Variants in PAX3 observed in about 807,000 individuals in gnomAD.
The protein encoded by PAX3 is paired box protein Pax-3.
Under a neutral mutation model 51.6 loss-of-function variants are expected in PAX3, and 14 were observed. That is an observed-to-expected ratio of 0.27 (90% confidence interval 0.18 to 0.42). The LOEUF (loss-of-function observed/expected upper bound fraction) is 0.42, where lower values mean the gene tolerates loss of function less well. PAX3 is among the 10% of genes least tolerant of loss of function. The pLI is 1.00. For missense variants in PAX3, 540 were observed against 642.8 expected, an observed-to-expected ratio of 0.84 and a Z score of 1.73; for synonymous variants, 280 against 253.4, an observed-to-expected ratio of 1.11 and a Z score of -1.00.
intron 4 of PAX3, among the ~76,000 whole-genome samples, chr2:222,261,990 G>C (rs1559293833): frequency 1.3e-5 from 2 of 152,106 alleles, no homozygotes; most frequent in Admixed American, 6.5e-5. Flanking sequence ...GCTTCTTTGT[G>C]CCCCTTTGGT....
In PAX3 at chr2:222,298,716, G is replaced by T; in HGVS notation, c.-101C>A. ...TCGGGAACTATCCGGAGCGTGGAGA[G>T]CCCCTCCCCAAAACGGCTGGAGAGA... On this transcript the variant is annotated 5_prime_UTR_variant, in exon 1 of 9. Transcript: ENST00000392070. 2 of 1,183,940 alleles carry T rather than the reference G, an allele frequency of 1.7e-6. No homozygotes were observed. Among genetic ancestry groups the T allele is most frequent in the African/African-American group, 1.5e-5 (1 of 66,216 alleles). 73.3% of individuals were successfully genotyped at this position (1,183,940 alleles called of 1,614,324 possible).
At chr2:222,236,807 A>G (rs1237508382) in intron 4 of PAX3, among the ~76,000 whole-genome samples, 3 of 152,166 alleles carry the variant, frequency 2.0e-5, no homozygotes, top group African/African-American at 7.2e-5. Flanking sequence ...ATCATATTTT[A>G]CAGATGCCTT....
chr2:222,282,161 A>G (rs1694669916), intron 4 of PAX3, among the ~76,000 whole-genome samples: 1 of 152,106 alleles, frequency 6.6e-6, no homozygotes, highest in Non-Finnish European at 1.5e-5. Context: ...GACTTGAAAG[A>G]TTTGCTCTAT....
In PAX3 at chr2:222,258,140, C is replaced by T. The variant is rs138631854; in HGVS notation, c.587-25857G>A. On this transcript the variant is annotated intron_variant, in intron 4 of 8. Coordinates refer to ENST00000392070, the MANE Select transcript of PAX3 (RefSeq NM_181458.4). ...AAACAAGCAAAAATAAAAGCAAACC[C>T]GAAAAAGATGAATCCATATTACATC... 2.6e-5 allele frequency among the ~76,000 whole-genome samples: 4 copies of T among 152,116 alleles called. No homozygotes were observed. The East Asian group carries it at 5.8e-4, about 22-fold the overall frequency.
intron 2 of PAX3, among the ~76,000 whole-genome samples, chr2:222,296,286 T>C (rs45524638): frequency 6.6e-6 from 1 of 152,372 alleles, no homozygotes; most frequent in East Asian, 1.9e-4. Flanking sequence ...GGAGGGTGTT[T>C]GGAGGTCTTC....
chr2:222,212,114 A>T (rs1453402730), intron 7 of PAX3, among the ~76,000 whole-genome samples: 1 of 152,144 alleles, frequency 6.6e-6, no homozygotes, highest in Non-Finnish European at 1.5e-5. Context: ...CTAAAAAAGA[A>T]ATTTTGCCTG....
chr2:222,269,195 C>G (rs1338939169), intron 4 of PAX3, among the ~76,000 whole-genome samples: 1 of 152,188 alleles, frequency 6.6e-6, no homozygotes, highest in African/African-American at 2.4e-5. Flanking sequence ...CGGACTGTTT[C>G]TTTAGCCCCT....
chr2:222,217,636 C>T (rs1338851762), intron 7 of PAX3, among the ~76,000 whole-genome samples: 1 of 141,246 alleles, frequency 7.1e-6, no homozygotes. Context: ...CTCAGCATAA[C>T]ACTGTCCGTG....
chr2:222,212,263 A>G (rs1691767845), intron 7 of PAX3, among the ~76,000 whole-genome samples: 1 of 152,160 alleles, frequency 6.6e-6, no homozygotes. Flanking sequence ...TCTGCCCAGA[A>G]TGAGACATCA....
intron 7 of PAX3, among the ~76,000 whole-genome samples, chr2:222,203,633 G>T (rs1691392171): frequency 6.6e-6 from 1 of 152,138 alleles, no homozygotes; most frequent in African/African-American, 2.4e-5. Flanking sequence ...AGGAATCTGA[G>T]AGGCAGGTGA....
At chr2:222,293,614 A>C (rs1695127551) in intron 4 of PAX3, 5 of 1,611,834 alleles carry the variant, frequency 3.1e-6, no homozygotes, top group Non-Finnish European at 4.2e-6. Flanking sequence ...TTGAAAATCA[A>C]CTTCAAACAA....
At chr2:222,234,190 AT>A (rs1312584551) in intron 4 of PAX3, among the ~76,000 whole-genome samples, 4 of 152,152 alleles carry the variant, frequency 2.6e-5, no homozygotes, top group Non-Finnish European at 5.9e-5. Context: ...GCAAGTGATA[AT>A]TTTTTTAAAT....
chr2:222,253,772 C>T (rs1693529375), intron 4 of PAX3, among the ~76,000 whole-genome samples: 1 of 152,062 alleles, frequency 6.6e-6, no homozygotes, highest in African/African-American at 2.4e-5. Flanking sequence ...CACCTCAGCC[C>T]CCTGAGTAGT....
intron 4 of PAX3, among the ~76,000 whole-genome samples, chr2:222,237,326 G>GCA (rs3075849): frequency 0.03 from 4,359 of 146,532 alleles, 108 homozygotes; most frequent in South Asian, 0.079. Context: ...TTTATCACAT[G>GCA]CACACACACA....
Position 222,261,181 on chromosome 2 carries a change from G to A in PAX3, c.587-28898C>T, listed in dbSNP as rs950174189. ...ATATCAGCAAACAACGATTTTGTCAGAGCTGCCATGCACGCAGTGGACTGC... is the reference window on the plus strand; with the variant it reads ...ATATCAGCAAACAACGATTTTGTCAAAGCTGCCATGCACGCAGTGGACTGC... On this transcript the variant is annotated intron_variant, in intron 4 of 8. Coordinates refer to ENST00000392070, the MANE Select transcript of PAX3 (RefSeq NM_181458.4). 5.3e-5 allele frequency among the ~76,000 whole-genome samples: 8 copies of A among 152,136 alleles called. 1 individual carries two copies. The highest frequency in any genetic ancestry group is 2.9e-5 in the Non-Finnish European group (2 of 68,020).
At chr2:222,281,745 C>A (rs1055815297) in intron 4 of PAX3, among the ~76,000 whole-genome samples, 2 of 152,172 alleles carry the variant, frequency 1.3e-5, no homozygotes, top group African/African-American at 4.8e-5. Flanking sequence ...CTGATTCAAC[C>A]CAAATTATGC....
chr2:222,287,919 AAG>A (rs1694889945), intron 4 of PAX3, among the ~76,000 whole-genome samples: 1 of 152,212 alleles, frequency 6.6e-6, no homozygotes, highest in Admixed American at 6.5e-5. Context: ...AGCACAAAGA[AAG>A]AGATTCGAAA....
chr2:222,232,553 CTCTATCTT>C (rs1341807691), intron 4 of PAX3, among the ~76,000 whole-genome samples: 1 of 152,144 alleles, frequency 6.6e-6, no homozygotes, highest in Non-Finnish European at 1.5e-5. Context: ...TCTTCTCCTA[CTCTATCTT>C]TCTGCCCCCT....
intron 4 of PAX3, among the ~76,000 whole-genome samples, chr2:222,243,257 G>C (rs1693088613): frequency 6.6e-6 from 1 of 152,200 alleles, no homozygotes; most frequent in Non-Finnish European, 1.5e-5. Context: ...AATTGAAAAT[G>C]CCAAGACAAA....
Sources: gnomAD v4.1 joint callset for allele counts (sites outside exome capture counted in the v4.1 genomes callset) on GRCh38, gnomAD v4.1.1 for gene constraint, MANE v1.5 for transcripts, NCBI Gene and HGNC (gene_info 2026-07-23, HGNC 2026-07-21) for gene names.